The following RYR2 variants were observed in gnomAD, a reference collection of about 807,000 sequenced individuals.
RYR2 encodes cardiac muscle ryanodine receptor-calcium release channel.
A neutral mutation model predicts 601.1 loss-of-function variants in RYR2; 227 were observed. The ratio of observed to expected loss-of-function variants is 0.38; its 90% CI spans 0.34 to 0.42. The LOEUF is 0.42. Among genes scored for constraint, RYR2 ranks in the 10% least tolerant of loss-of-function variants. The pLI, the probability that RYR2 is intolerant of heterozygous loss-of-function variation, is 1.00. For missense variants in RYR2, 4,646 were observed against 6,156.5 expected, an observed-to-expected ratio of 0.75 and a Z score of 8.21; for synonymous variants, 2,223 against 2,175.1, an observed-to-expected ratio of 1.02 and a Z score of -0.61.
chr1:237,449,914 TC>T, intron 14 of RYR2, among the ~76,000 whole-genome samples: 1 of 152,338 alleles, frequency 6.6e-6, no homozygotes, highest in East Asian at 1.9e-4. Flanking sequence ...TTGAGCTTTT[TC>T]CTGGGATGCT....
intron 3 of RYR2, among the ~76,000 whole-genome samples, chr1:237,338,125 G>A (rs1203888144): frequency 6.6e-6 from 1 of 152,146 alleles, no homozygotes; most frequent in African/African-American, 2.4e-5. Flanking sequence ...GTTCCGGTGT[G>A]CCATTATGTG....
chr1:237,828,840 TAGA>T (rs765997423), intron 102 of RYR2, among the ~76,000 whole-genome samples: 1 of 152,232 alleles, frequency 6.6e-6, no homozygotes, highest in Non-Finnish European at 1.5e-5. Flanking sequence ...GGGAATTTCC[TAGA>T]AGAAGGGATG....
intron 1 of RYR2, among the ~76,000 whole-genome samples, chr1:237,264,702 T>TTA (rs1688873992): frequency 8.1e-6 from 1 of 123,716 alleles, no homozygotes; most frequent in Non-Finnish European, 1.7e-5. Context: ...TATTATTATT[T>TTA]TTTTTTTTTT....
In RYR2 at chr1:237,445,450, G is replaced by A. The variant is rs794728720; in HGVS notation, c.1220G>A (p.Arg407Lys). ...ATGGATGATGGCATAAGTTTGTCGA[G>A]ATCCCAGCATGAAGAATCACGCACA... Reference protein sequence around the residue: ...GHMDDGISLSRSQHEESRTAR... With the variant: ...GHMDDGISLSKSQHEESRTAR... Residue 407 changes from arginine (R) to lysine (K), a missense_variant, in exon 14 of 105, where the codon AGA (arginine) becomes AAA (lysine). Transcript: ENST00000366574. 6.2e-7 allele frequency: 1 copy of A among 1,613,760 alleles called. No homozygotes were observed. Among genetic ancestry groups the A allele is most frequent in the Non-Finnish European group, 8.5e-7 (1 of 1,179,736 alleles).
In RYR2 at chr1:237,593,988, C is replaced by T. The variant is rs540847401; in HGVS notation, c.4436+352C>T. ...TTAACCAATGACTTGATATAGATTT[C>T]GGGAACTGGCTATGTGGTGGGGAGA... On this transcript the variant is annotated intron_variant, in intron 33 of 104. Coordinates refer to ENST00000366574, the MANE Select transcript of RYR2 (RefSeq NM_001035.3). 3.5e-3 allele frequency among the ~76,000 whole-genome samples: 532 copies of T among 152,176 alleles called. 5 individuals are homozygous for T. Among genetic ancestry groups the T allele is most frequent in the African/African-American group, 0.012 (510 of 41,522 alleles).
At chr1:237,192,295 G>A (rs1259608980) in intron 1 of RYR2, among the ~76,000 whole-genome samples, 2 of 151,936 alleles carry the variant, frequency 1.3e-5, no homozygotes, top group African/African-American at 4.8e-5. Context: ...TGCAACCTCC[G>A]CCTCCTGGGT....
At chr1:237,617,608 G>A (rs1230959142) in intron 38 of RYR2, 122 bp downstream of exon 38, 3 of 903,548 alleles carry the variant, frequency 3.3e-6, no homozygotes, top group Non-Finnish European at 4.9e-6. Context: ...AAGTCTTCAA[G>A]TTGATTTAGT....
intron 1 of RYR2, among the ~76,000 whole-genome samples, chr1:237,133,943 A>C (rs1247177458): frequency 1.3e-5 from 2 of 151,598 alleles, no homozygotes; most frequent in Non-Finnish European, 1.5e-5. Flanking sequence ...AAAAAAAACC[A>C]AGTGGGAGTC....
chr1:237,466,665 T>G (rs1660118232), intron 16 of RYR2, among the ~76,000 whole-genome samples: 1 of 152,048 alleles, frequency 6.6e-6, no homozygotes, highest in Non-Finnish European at 1.5e-5. Flanking sequence ...TGATGTTTAT[T>G]TGATGTTCTT....
Position 237,511,797 on chromosome 1 carries a change from TTTC to T in RYR2, c.2822+9_2822+11del. 7.2e-7 allele frequency: 1 copy of T among 1,395,180 alleles called. No homozygotes were observed. The highest frequency in any genetic ancestry group is 9.5e-7 in the Non-Finnish European group (1 of 1,049,386). 86.4% of individuals were successfully genotyped at this position (1,395,180 alleles called of 1,614,324 possible). On this transcript the variant is annotated splice_region_variant and intron_variant, in intron 24 of 104. Transcript: ENST00000366574. ...ATGTCGCTTGAGACCCTGAAGTGAG[TTTC>T]TTAACTTTTTCTATTTTCCAACCTG...
intron 97 of RYR2, among the ~76,000 whole-genome samples, chr1:237,799,176 C>G (rs918525122): frequency 3.9e-5 from 6 of 152,124 alleles, no homozygotes; most frequent in Non-Finnish European, 7.3e-5. Context: ...CAAAATATTA[C>G]TTGAGTACTC....
intron 1 of RYR2, among the ~76,000 whole-genome samples, chr1:237,184,087 C>T (rs966442179): frequency 2.0e-5 from 3 of 150,608 alleles, no homozygotes; most frequent in East Asian, 1.9e-4. Context: ...TCTGGGAGTA[C>T]CTGTCCTAGC....
At chr1:237,248,390 A>G (rs1179380683) in intron 1 of RYR2, among the ~76,000 whole-genome samples, 1 of 149,816 alleles carries the variant, frequency 6.7e-6, no homozygotes, top group African/African-American at 2.5e-5. Context: ...TATTTGACTA[A>G]GTCATGTTTT....
intron 2 of RYR2, among the ~76,000 whole-genome samples, chr1:237,281,584 A>C (rs1315186136): frequency 2.0e-5 from 3 of 152,236 alleles, no homozygotes; most frequent in African/African-American, 7.2e-5. Flanking sequence ...CTTCAGCCAA[A>C]GGGGGCTGTG....
chr1:237,054,546 T>C (rs1228226770), intron 1 of RYR2, among the ~76,000 whole-genome samples: 1 of 152,126 alleles, frequency 6.6e-6, no homozygotes, highest in Admixed American at 6.5e-5. Context: ...AAATTGTGTC[T>C]ACTAGAATGC....
chr1:237,418,202 C>T (rs1255391314), intron 11 of RYR2, among the ~76,000 whole-genome samples: 1 of 152,020 alleles, frequency 6.6e-6, no homozygotes, highest in Non-Finnish European at 1.5e-5. Flanking sequence ...GCCACCACGC[C>T]CAGCTAATTT....
chr1:237,209,812 T>A (rs2149088586), intron 1 of RYR2, among the ~76,000 whole-genome samples: 1 of 152,260 alleles, frequency 6.6e-6, no homozygotes, highest in Middle Eastern at 3.4e-3. Context: ...CCTATGATTG[T>A]GCCACTGCAC....
chr1:237,615,055 A>G (rs2148600385), intron 37 of RYR2, among the ~76,000 whole-genome samples: 1 of 152,114 alleles, frequency 6.6e-6, no homozygotes, highest in Admixed American at 6.5e-5. Context: ...CCTTCATTAC[A>G]TTGGAATACC....
chr1:237,204,146 G>A (rs1056074190), intron 1 of RYR2, among the ~76,000 whole-genome samples: 1 of 152,160 alleles, frequency 6.6e-6, no homozygotes, highest in Admixed American at 6.5e-5. Flanking sequence ...GAGTAGCTGG[G>A]ACTACAGATG....
Sources: gnomAD v4.1 joint callset for allele counts (sites outside exome capture counted in the v4.1 genomes callset) on GRCh38, gnomAD v4.1.1 for gene constraint, MANE v1.5 for transcripts, NCBI Gene and HGNC (gene_info 2026-07-23, HGNC 2026-07-21) for gene names.